Variants in BIRC5 observed in about 807,000 individuals in gnomAD.
BIRC5 encodes baculoviral IAP repeat-containing protein 5.
BIRC5 carries 8 observed loss-of-function variants against 15.8 expected under a neutral mutation model. The observed-to-expected ratio is 0.51, with a 90% confidence interval of 0.30 to 0.91. The LOEUF (loss-of-function observed/expected upper bound fraction) is 0.91. BIRC5 is among the 40% of genes least tolerant of loss of function. The probability of loss-of-function intolerance (pLI) is 0.07; values close to 1 mark genes in which losing one functional copy is unlikely to be tolerated. For missense variants in BIRC5, 163 were observed against 178.6 expected (o/e 0.91, Z 0.50); for synonymous variants, 56 against 64.5 (o/e 0.87, Z 0.63).
chr17:78,221,615 G>A (rs4789557), intron 3 of BIRC5, among the ~76,000 whole-genome samples: 57,381 of 151,638 alleles, frequency 0.38, 10,815 homozygotes, highest in Middle Eastern at 0.48. Context: ...GATTACAGGC[G>A]TGAGCCACCG....
intron 3 of BIRC5, among the ~76,000 whole-genome samples, chr17:78,219,453 G>A (rs1469023622): frequency 4.6e-5 from 7 of 152,190 alleles, no homozygotes; most frequent in Admixed American, 4.6e-4. Context: ...CCAAAGTGCT[G>A]GGATTACAGG....
rs1045868477 is a variant in BIRC5, at chr17:78,224,254, C to T, written c.*700C>T. 1 of 152,208 alleles carries T rather than the reference C, an allele frequency of 6.6e-6. No individual in the cohort carries two copies. The highest frequency in any genetic ancestry group is 2.4e-5 in the African/African-American group (1 of 41,440). 9.4% of individuals were successfully genotyped at this position (152,208 alleles called of 1,614,324 possible). A position where few individuals can be genotyped will look rare whatever the true frequency, so the allele number is the denominator to read the frequency against. ...GTCATTGGGGAAACGGGGTGAACTT[C>T]AGGTGGATGAGGAGACAGAATAGAG... On this transcript the variant is annotated 3_prime_UTR_variant, in exon 4 of 4. Coordinates refer to ENST00000350051, the MANE Select transcript of BIRC5 (RefSeq NM_001168.3).
chr17:78,216,738 G>T lies in BIRC5; in HGVS notation c.296G>T (p.Gly99Val). 1 of 1,613,994 alleles carries T rather than the reference G, an allele frequency of 6.2e-7. No individual in the cohort carries two copies. Among genetic ancestry groups the T allele is most frequent in the Non-Finnish European group, 8.5e-7 (1 of 1,179,924 alleles). Residue 99 changes from glycine (G) to valine (V), a missense_variant, in exon 3 of 4, where the codon GGT (glycine) becomes GTT (valine). Coordinates refer to ENST00000350051, the MANE Select transcript of BIRC5 (RefSeq NM_001168.3). ...AAGCAGTTTGAAGAATTAACCCTTG[G>T]TGAATTTTTGAAACTGGACAGAGAA... ...VKKQFEELTL[G>V]EFLKLDRERA... is the part of the protein sequence containing the mutation.
chr17:78,223,765 AG>A lies in BIRC5; in HGVS notation c.*212del, dbSNP rs2076530876. 4 of 1,088,272 alleles carry A rather than the reference AG, an allele frequency of 3.7e-6. No homozygotes were observed. The East Asian group carries it at 1.2e-4, about 33-fold the overall frequency. 67.4% of individuals were successfully genotyped at this position (1,088,272 alleles called of 1,614,324 possible). On this transcript the variant is annotated 3_prime_UTR_variant, in exon 4 of 4. Transcript: ENST00000350051. The stretch of plus-strand genomic sequence containing the variant: ...CTGTGCAGCGGGTGCTGCTGGTAAC[AG>A]TGGCTGCTTCTCTCTCTCTCTCTCT...
Position 78,221,671 on chromosome 17 carries a change from C to T in BIRC5, c.340-1794C>T, listed in dbSNP as rs552841433. On this transcript the variant is annotated intron_variant, in intron 3 of 3. Coordinates refer to ENST00000350051, the MANE Select transcript of BIRC5 (RefSeq NM_001168.3). ...TCAATAGCAAGAGTTGTGTTTGCTTCGCCCCTACCTTTAGTGGAAAAATGT... is the reference window on the plus strand; with the variant it reads ...TCAATAGCAAGAGTTGTGTTTGCTTTGCCCCTACCTTTAGTGGAAAAATGT... 5.9e-5 allele frequency among the ~76,000 whole-genome samples: 9 copies of T among 152,270 alleles called. No homozygotes were observed. The South Asian group carries it at 8.3e-4, about 14-fold the overall frequency.
chr17:78,217,802 T>C (rs2076490032), intron 3 of BIRC5, among the ~76,000 whole-genome samples: 1 of 151,854 alleles, frequency 6.6e-6, no homozygotes, highest in Admixed American at 6.6e-5. Flanking sequence ...CGGCTATTTT[T>C]ATTTTTTTGA....
intron 3 of BIRC5, among the ~76,000 whole-genome samples, chr17:78,220,383 G>A (rs1035039769): frequency 5.3e-5 from 8 of 151,428 alleles, no homozygotes; most frequent in Non-Finnish European, 1.0e-4. Context: ...AGCCGAGATC[G>A]CGCCACTGCA....
intron 3 of BIRC5, among the ~76,000 whole-genome samples, chr17:78,218,952 G>C (rs553891175): frequency 6.6e-6 from 1 of 152,212 alleles, no homozygotes; most frequent in Admixed American, 6.6e-5. Flanking sequence ...GCCCCACACA[G>C]AATAAGTACT....
Position 78,216,648 on chromosome 17 carries a change from G to A in BIRC5, c.222-16G>A, listed in dbSNP as rs775847864. ...TCCCTTCAGCTGCCTTTCCGCTGTT[G>A]TTTTGATTTTTCTAGAGAGGAACAT... On this transcript the variant is annotated splice_polypyrimidine_tract_variant and intron_variant, in intron 2 of 3. Transcript: ENST00000350051. 1 of 1,611,604 alleles carries A rather than the reference G, an allele frequency of 6.2e-7. No homozygotes were observed. The highest frequency in any genetic ancestry group is 8.5e-7 in the Non-Finnish European group (1 of 1,178,248).
Position 78,214,356 on chromosome 17 carries a change from C to T in BIRC5, c.40C>T (p.Leu14Phe), listed in dbSNP as rs1245540693. Residue 14 changes from leucine to phenylalanine, a missense_variant, in exon 1 of 4, where the codon CTC (leucine) becomes TTC (phenylalanine). Transcript: ENST00000350051. Reference sequence around the variant, plus strand: ...GTTGCCCCCTGCCTGGCAGCCCTTTCTCAAGGACCACCGCATCTCTACATT... The same window carrying T: ...GTTGCCCCCTGCCTGGCAGCCCTTTTTCAAGGACCACCGCATCTCTACATT... ...PTLPPAWQPF[L>F]KDHRISTFKN... The T allele has an allele frequency of 5.6e-6, 9 of 1,609,460 alleles. No individual in the cohort carries two copies. The highest frequency in any genetic ancestry group is 7.6e-6 in the Non-Finnish European group (9 of 1,178,194).
At position 78,214,292 on chromosome 17, in the gene BIRC5, C is replaced by G. The variant is rs757193907; in HGVS notation, c.-25C>G. On this transcript the variant is annotated 5_prime_UTR_variant, in exon 1 of 4. Transcript: ENST00000350051. ...ACCGCCAGATTTGAATCGCGGGACC[C>G]GTTGGCAGAGGTGGCGGCGGCGGCA... 4.3e-5 allele frequency: 68 copies of G among 1,588,716 alleles called. 1 individual carries two copies. The highest frequency in any genetic ancestry group is 1.4e-4 in the Admixed American group (8 of 57,634).
intron 2 of BIRC5, 65 bp from the exon 3 acceptor site, chr17:78,216,599 G>A (rs1470973583): frequency 7.7e-6 from 11 of 1,431,036 alleles, no homozygotes; most frequent in African/African-American, 1.4e-5. Flanking sequence ...GAGGTGGCCC[G>A]TGGGGAGTGG....
chr17:78,217,393 C>T (rs55689440), intron 3 of BIRC5, among the ~76,000 whole-genome samples: 50,555 of 151,708 alleles, frequency 0.33, 8,777 homozygotes, highest in Middle Eastern at 0.48. Flanking sequence ...CCAGGCTGGT[C>T]TTGAACTCCT....
intron 3 of BIRC5, among the ~76,000 whole-genome samples, chr17:78,221,208 G>A (rs574514056): frequency 7.8e-4 from 119 of 152,160 alleles, no homozygotes; most frequent in Non-Finnish European, 8.1e-4. Context: ...AGGACAAAAC[G>A]AAGCACTAGA....
intron 2 of BIRC5, chr17:78,215,030 A>C (rs1453321213): frequency 2.2e-5 from 10 of 460,972 alleles, no homozygotes. Context: ...TTTCATGTTC[A>C]ACAGAATACA....
Position 78,224,385 on chromosome 17 carries a change from A to G in BIRC5, c.*831A>G, listed in dbSNP as rs1384284448. 2.6e-5 allele frequency: 4 copies of G among 152,230 alleles called. No individual in the cohort carries two copies. The East Asian group carries it at 7.7e-4, about 29-fold the overall frequency. The allele number at this position is 152,230 out of a possible 1,614,324, so 9.4% of individuals were successfully genotyped here. A position where few individuals can be genotyped will look rare whatever the true frequency, so the allele number is the denominator to read the frequency against. Reference sequence around the variant, plus strand: ...GGCCGCTCCTCCCTCAGAAAAAGGCAGTGGCCTAAATCCTTTTTAAATGAC... The same window carrying G: ...GGCCGCTCCTCCCTCAGAAAAAGGCGGTGGCCTAAATCCTTTTTAAATGAC... On this transcript the variant is annotated 3_prime_UTR_variant, in exon 4 of 4. Transcript: ENST00000350051.
At chr17:78,222,665 C>CA (rs1050180574) in intron 3 of BIRC5, among the ~76,000 whole-genome samples, 8 of 151,180 alleles carry the variant, frequency 5.3e-5, no homozygotes, top group East Asian at 3.9e-4. Flanking sequence ...AAGTCCGTCT[C>CA]AAAAAAAAAG....
At position 78,214,722 on chromosome 17, in the gene BIRC5, C is replaced by G. The variant is rs780137029; in HGVS notation, c.154C>G (p.Pro52Ala). Residue 52 changes from proline (P) to alanine (A), a missense_variant, in exon 2 of 4, where the codon CCA becomes GCA. Transcript: ENST00000350051. ...GFIHCPTENE[P>A]DLAQCFFCFK... is the part of the protein sequence containing the mutation. ...CATCCACTGCCCCACTGAGAACGAG[C>G]CAGACTTGGCCCAGTGTTTCTTCTG... 6.2e-6 allele frequency: 10 copies of G among 1,611,922 alleles called. No individual in the cohort carries two copies. The highest frequency in any genetic ancestry group is 8.5e-6 in the Non-Finnish European group (10 of 1,179,170).
chr17:78,214,530 C>T, intron 1 of BIRC5, 103 bp downstream of exon 1: 1 of 1,288,824 alleles, frequency 7.8e-7, no homozygotes, highest in Non-Finnish European at 1.0e-6. Flanking sequence ...CCTCCCCTCC[C>T]CGTCCTGTCC....
Sources: gnomAD v4.1 joint callset for allele counts (sites outside exome capture counted in the v4.1 genomes callset) on GRCh38, gnomAD v4.1.1 for gene constraint, MANE v1.5 for transcripts, NCBI Gene and HGNC (gene_info 2026-07-23, HGNC 2026-07-21) for gene names.